The following TFEC variants were observed in gnomAD, a reference collection of about 807,000 sequenced individuals.
TFEC encodes class E basic helix-loop-helix protein 34.
In TFEC, 31 loss-of-function variants were observed where a neutral mutation model predicts 41.6. The observed-to-expected ratio is 0.74, with a 90% CI of 0.56 to 1.01. The LOEUF is 1.01. Among genes scored for constraint, TFEC ranks in the 50% least tolerant of loss-of-function variants. TFEC has a pLI of 0.00. For missense variants in TFEC, 402 were observed against 404.1 expected (o/e 0.99, Z 0.04); for synonymous variants, 143 against 140.6 (o/e 1.02, Z -0.12).
chr7:115,990,621 GA>G (rs1794066186), intron 1 of TFEC, among the ~76,000 whole-genome samples: 1 of 152,154 alleles, frequency 6.6e-6, no homozygotes, highest in African/African-American at 2.4e-5. Context: ...TCAAGTGGAA[GA>G]AAGGGTATCA....
intron 3 of TFEC, among the ~76,000 whole-genome samples, chr7:115,971,378 A>T (rs890451228): frequency 6.6e-6 from 1 of 151,972 alleles, no homozygotes; most frequent in African/African-American, 2.4e-5. Flanking sequence ...TAAAGAAAAA[A>T]AAAACCTTAC....
chr7:115,957,372 G>A (rs1303400246), intron 3 of TFEC, among the ~76,000 whole-genome samples: 1 of 151,654 alleles, frequency 6.6e-6, no homozygotes, highest in Non-Finnish European at 1.5e-5. Flanking sequence ...TATCCCAGCT[G>A]GTAACCAAAA....
intron 3 of TFEC, among the ~76,000 whole-genome samples, chr7:116,072,481 G>A (rs551770228): frequency 2.0e-5 from 3 of 151,762 alleles, no homozygotes; most frequent in African/African-American, 4.8e-5. Flanking sequence ...CAGACATGGA[G>A]TTATTCTAAT....
At chr7:116,118,324 G>A (rs977934836) in intron 1 of TFEC, among the ~76,000 whole-genome samples, 21 of 151,846 alleles carry the variant, frequency 1.4e-4, no homozygotes, top group Admixed American at 5.9e-4. Context: ...AAATAAGTTC[G>A]GACCTGCAAA....
At chr7:115,953,192 T>C (rs1792042043) in intron 5 of TFEC, among the ~76,000 whole-genome samples, 1 of 133,306 alleles carries the variant, frequency 7.5e-6, no homozygotes, top group South Asian at 2.2e-4. Flanking sequence ...GGCTGCAAGC[T>C]GAGAGCTGAC....
chr7:116,088,326 G>C (rs1331205802), intron 3 of TFEC, among the ~76,000 whole-genome samples: 3 of 152,024 alleles, frequency 2.0e-5, no homozygotes, highest in Non-Finnish European at 4.4e-5. Context: ...TTTCCAATTA[G>C]ACTGTCAACT....
At chr7:115,982,847 T>TA (rs1288333260) in intron 2 of TFEC, among the ~76,000 whole-genome samples, 1 of 152,116 alleles carries the variant, frequency 6.6e-6, no homozygotes, top group Middle Eastern at 3.4e-3. Context: ...GCTTAAAGAA[T>TA]AAAAAAAGTA....
chr7:115,992,656 A>G (rs557859249), intron 1 of TFEC, among the ~76,000 whole-genome samples: 7 of 152,354 alleles, frequency 4.6e-5, no homozygotes, highest in Non-Finnish European at 7.3e-5. Flanking sequence ...TAAACCAGGA[A>G]GAAGTTGAAT....
Position 115,984,435 on chromosome 7 carries a change from G to A in TFEC, c.7C>T (p.Leu3Phe), listed in dbSNP as rs766632526. The change falls in exon 2 of 8, where the codon CTT (leucine) becomes TTT (phenylalanine). Residue 3 changes from leucine to phenylalanine, a missense_variant. Leu to Phe is a conservative substitution (Grantham distance 22). Coordinates refer to ENST00000265440, the MANE Select transcript of TFEC (RefSeq NM_012252.4). ...GTTGGATTGATGATCTGATGATCAA[G>A]GGTCATGAAAGAGTTTACTTTCTGT... is the stretch of plus-strand genomic sequence containing the variant. The part of the protein sequence containing the change: MT[L>F]DHQIINPTLK... The A allele has an allele frequency of 6.2e-7, 1 of 1,614,146 alleles. No individual in the cohort carries two copies. The highest frequency in any genetic ancestry group is 2.2e-5 in the East Asian group (1 of 44,864).
chr7:116,052,709 G>A (rs1008215161), intron 3 of TFEC, among the ~76,000 whole-genome samples: 2 of 151,582 alleles, frequency 1.3e-5, no homozygotes, highest in Admixed American at 1.3e-4. Flanking sequence ...TTACAGGCAT[G>A]AGCCACCGTG....
At chr7:116,028,358 A>T (rs372789743) in intron 1 of TFEC, among the ~76,000 whole-genome samples, 1 of 152,198 alleles carries the variant, frequency 6.6e-6, no homozygotes, top group East Asian at 1.9e-4. Flanking sequence ...TGGCATTCAC[A>T]ATTCTATATA....
chr7:115,974,177 T>C lies in TFEC; in HGVS notation c.260A>G (p.Gln87Arg). The C allele has an allele frequency of 6.3e-7, 1 of 1,594,094 alleles. No individual in the cohort carries two copies. ...GGGTCTGAAAGCACTTACTGTTCTT[T>C]GCATTAGCAGAGGAGAGTCTGCTCC... ...EEGADSPLLM[Q>R]RTLSGSILDV... The change falls in exon 3 of 8, where the codon CAA becomes CGA. Residue 87 changes from glutamine to arginine, a missense_variant. Physicochemically the swap from Gln to Arg is conservative, Grantham distance 43. Coordinates refer to ENST00000265440, the MANE Select transcript of TFEC (RefSeq NM_012252.4).
At chr7:115,949,020 T>C (rs1371494764) in intron 6 of TFEC, among the ~76,000 whole-genome samples, 2 of 152,032 alleles carry the variant, frequency 1.3e-5, no homozygotes, top group African/African-American at 4.8e-5. Context: ...ACAAAATCAA[T>C]GTACAAAAAT....
chr7:116,117,460 G>A (rs1798015739), intron 1 of TFEC: 1 of 151,714 alleles, frequency 6.6e-6, no homozygotes, highest in Non-Finnish European at 1.5e-5. Context: ...CCAAATACAA[G>A]TTGATTTTAA....
intron 1 of TFEC, among the ~76,000 whole-genome samples, chr7:116,026,961 T>C (rs1359587330): frequency 6.6e-6 from 1 of 152,140 alleles, no homozygotes; most frequent in East Asian, 1.9e-4. Context: ...TAGCCAAATG[T>C]TAATTAAGAA....
intron 1 of TFEC, among the ~76,000 whole-genome samples, chr7:116,000,022 A>G (rs184182724): frequency 6.6e-6 from 1 of 152,144 alleles, no homozygotes; most frequent in South Asian, 2.1e-4. Flanking sequence ...TCAATAAAAG[A>G]AAACTACAGG....
rs60317630 is a variant in TFEC, at chr7:116,080,976, A to AGTGTGTGT, written c.198+29724_198+29731dup. Among the ~76,000 whole-genome samples, 971 of 137,986 alleles carry AGTGTGTGT rather than the reference A, an allele frequency of 7.0e-3. 11 individuals carry two copies. The highest frequency in any genetic ancestry group is 0.029 in the East Asian group (134 of 4,618). The allele number at this position is 137,986 out of a possible 152,430, so 90.5% of individuals were successfully genotyped here. ...ATCAACGAGTGGATAAAGAAAATGT[A>AGTGTGTGT]GTGTGTGTGTGTGTGTGTGTGTGTG... On this transcript the variant is annotated intron_variant, in intron 3 of 8. Transcript: ENST00000484212.
At chr7:116,082,032 G>A (rs1041965843) in intron 3 of TFEC, among the ~76,000 whole-genome samples, 2 of 151,914 alleles carry the variant, frequency 1.3e-5, no homozygotes, top group African/African-American at 4.8e-5. Flanking sequence ...ATGGTACTGA[G>A]CACTATTGTA....
chr7:115,981,862 C>T (rs911996961), intron 2 of TFEC, among the ~76,000 whole-genome samples: 1 of 151,964 alleles, frequency 6.6e-6, no homozygotes, highest in Non-Finnish European at 1.5e-5. Context: ...AGGAGAGCCC[C>T]GCCACCATGA....
Sources: gnomAD v4.1 joint callset for allele counts (sites outside exome capture counted in the v4.1 genomes callset) on GRCh38, gnomAD v4.1.1 for gene constraint, MANE v1.5 for transcripts, NCBI Gene and HGNC (gene_info 2026-07-23, HGNC 2026-07-21) for gene names.